The following OSBPL1A variants were observed in gnomAD, a reference collection of about 807,000 sequenced individuals.
OSBPL1A encodes the protein oxysterol-binding protein-related protein 1.
Under a neutral mutation model 137.1 loss-of-function variants are expected in OSBPL1A, and 80 were observed. The observed-to-expected ratio is 0.58, with a 90% CI of 0.49 to 0.70. The LOEUF is 0.70. Ranked by LOEUF, OSBPL1A falls within the 30% of genes least tolerant of loss-of-function variation. The probability of loss-of-function intolerance (pLI) is 0.00; values close to 1 mark genes in which losing one functional copy is unlikely to be tolerated. For synonymous variants in OSBPL1A, 365 were observed against 389.7 expected (o/e 0.94, Z 0.75); for missense variants, 970 against 1,129.4 (o/e 0.86, Z 2.02).
chr18:24,197,841 G>A (rs911146041), intron 17 of OSBPL1A, among the ~76,000 whole-genome samples: 2 of 144,328 alleles, frequency 1.4e-5, no homozygotes, highest in Non-Finnish European at 3.0e-5. Flanking sequence ...AGGCTGGAGT[G>A]CAGTGGTGTG....
intron 20 of OSBPL1A, 137 bp from the exon 21 acceptor site, chr18:24,178,332 C>G: frequency 2.2e-6 from 2 of 910,024 alleles, no homozygotes; most frequent in African/African-American, 1.7e-5. Flanking sequence ...CTTGCTCTGT[C>G]GCTCAGGCTG....
chr18:24,194,541 G>A lies in OSBPL1A; in HGVS notation c.1677+1584C>T, dbSNP rs114770137. On this transcript the variant is annotated intron_variant, in intron 18 of 27. Coordinates refer to ENST00000319481, the MANE Select transcript of OSBPL1A (RefSeq NM_080597.4). Reference sequence around the variant, plus strand: ...AATTTTCAGTTCCAAAGAGACAAACGTGTGTTACTGTCATCTGTCTATATA... The same window carrying A: ...AATTTTCAGTTCCAAAGAGACAAACATGTGTTACTGTCATCTGTCTATATA... Among the ~76,000 whole-genome samples the A allele has an allele frequency of 3.4e-3, 524 of 152,148 alleles. 3 individuals carry two copies. Among genetic ancestry groups the A allele is most frequent in the African/African-American group, 0.012 (488 of 41,504 alleles).
At chr18:24,325,095 AAAAG>A (rs111995094) in intron 7 of OSBPL1A, among the ~76,000 whole-genome samples, 13,417 of 151,686 alleles carry the variant, frequency 0.088, 828 homozygotes, top group African/African-American at 0.17. Context: ...CGAAACAAAA[AAAAG>A]AAAGAAAGAA....
chr18:24,394,802 G>A (rs1411365910), intron 1 of OSBPL1A, among the ~76,000 whole-genome samples: 6 of 142,816 alleles, frequency 4.2e-5, no homozygotes, highest in African/African-American at 1.5e-4. Flanking sequence ...CACATGATAC[G>A]AAATTGTACA....
At chr18:24,305,879 A>G (rs1246292551) in intron 13 of OSBPL1A, among the ~76,000 whole-genome samples, 2 of 152,148 alleles carry the variant, frequency 1.3e-5, no homozygotes, top group African/African-American at 4.8e-5. Context: ...GCTGCCATGT[A>G]AGACATGCCT....
intron 15 of OSBPL1A, among the ~76,000 whole-genome samples, chr18:24,263,125 T>G (rs946248416): frequency 6.6e-6 from 1 of 152,212 alleles, no homozygotes; most frequent in Admixed American, 6.5e-5. Flanking sequence ...AATTTTGATA[T>G]TTTATTCTGT....
intron 21 of OSBPL1A, among the ~76,000 whole-genome samples, chr18:24,177,766 C>T (rs1012563737): frequency 6.6e-6 from 1 of 152,182 alleles, no homozygotes; most frequent in Non-Finnish European, 1.5e-5. Context: ...TTAACTCCAT[C>T]GATCTTAAAA....
At chr18:24,343,246 T>G (rs2091298451) in intron 4 of OSBPL1A, among the ~76,000 whole-genome samples, 1 of 151,950 alleles carries the variant, frequency 6.6e-6, no homozygotes, top group Admixed American at 6.6e-5. Flanking sequence ...AATAAAATGC[T>G]TAGGAATAAA....
intron 11 of OSBPL1A, among the ~76,000 whole-genome samples, chr18:24,315,924 T>C (rs1484644577): frequency 1.5e-5 from 2 of 136,728 alleles, no homozygotes; most frequent in Non-Finnish European, 3.0e-5. Context: ...ATTATAATTA[T>C]ATAATAATAA....
chr18:24,249,619 G>A (rs1182499564), intron 15 of OSBPL1A, among the ~76,000 whole-genome samples: 1 of 152,148 alleles, frequency 6.6e-6, no homozygotes, highest in Non-Finnish European at 1.5e-5. Flanking sequence ...ACCAACTGGG[G>A]GACATTACAT....
intron 12 of OSBPL1A, among the ~76,000 whole-genome samples, chr18:24,313,474 A>G (rs960479082): frequency 2.0e-5 from 3 of 151,848 alleles, no homozygotes; most frequent in African/African-American, 7.2e-5. Context: ...CACCATAAGT[A>G]TTGGTCAAGT....
chr18:24,176,649 CAG>C (rs1330564181), intron 21 of OSBPL1A, among the ~76,000 whole-genome samples: 3 of 152,166 alleles, frequency 2.0e-5, no homozygotes, highest in Non-Finnish European at 4.4e-5. Flanking sequence ...AGGCAATTAA[CAG>C]AGTTTCAGGC....
intron 1 of OSBPL1A, among the ~76,000 whole-genome samples, chr18:24,380,910 C>T (rs1203305592): frequency 2.7e-5 from 4 of 149,890 alleles, no homozygotes; most frequent in Admixed American, 1.3e-4. Flanking sequence ...TGAGATTGTG[C>T]CACTTCACTC....
Position 24,333,774 on chromosome 18 carries a change from A to G in OSBPL1A, c.480+471T>C, listed in dbSNP as rs1318614244. Among the ~76,000 whole-genome samples the G allele has an allele frequency of 2.6e-5, 4 of 152,238 alleles. No homozygotes were observed. In the East Asian group the frequency reaches 7.7e-4, roughly 29 times the overall value. Reference sequence around the variant, plus strand: ...GGCAAACCTTTCAGTCTAATGTGGTATAAGTATTCCAAAATACTGTCCCTT... The same window carrying G: ...GGCAAACCTTTCAGTCTAATGTGGTGTAAGTATTCCAAAATACTGTCCCTT... On this transcript the variant is annotated intron_variant, in intron 6 of 27. Transcript: ENST00000319481.
chr18:24,204,192 T>G (rs192660836), intron 17 of OSBPL1A, among the ~76,000 whole-genome samples: 1 of 152,190 alleles, frequency 6.6e-6, no homozygotes, highest in Non-Finnish European at 1.5e-5. Context: ...CCAGAAAGAG[T>G]TGGTGTTAAC....
intron 5 of OSBPL1A, among the ~76,000 whole-genome samples, chr18:24,338,987 C>T (rs1433764194): frequency 6.6e-6 from 1 of 152,126 alleles, no homozygotes; most frequent in African/African-American, 2.4e-5. Context: ...GCTGGGATTA[C>T]AGGTGTGAGC....
At chr18:24,222,086 T>C (rs1484989470) in intron 17 of OSBPL1A, among the ~76,000 whole-genome samples, 3 of 152,206 alleles carry the variant, frequency 2.0e-5, no homozygotes, top group African/African-American at 4.8e-5. Context: ...ACAGCAGGCA[T>C]CTTATTCCTG....
At chr18:24,397,074 A>G (rs1907796494) in intron 1 of OSBPL1A, among the ~76,000 whole-genome samples, 1 of 152,252 alleles carries the variant, frequency 6.6e-6, no homozygotes, top group Non-Finnish European at 1.5e-5. Flanking sequence ...ATACTAAATC[A>G]GAATAACCCT....
intron 2 of OSBPL1A, 26 bp from the exon 3 acceptor site, chr18:24,368,398 T>G: frequency 6.5e-7 from 1 of 1,535,400 alleles, no homozygotes; most frequent in Non-Finnish European, 9.0e-7. Context: ...TATAAGGTAT[T>G]TTTAGGTCAT....
Sources: allele counts gnomAD v4.1 joint callset (sites outside exome capture counted in the v4.1 genomes callset), GRCh38; gene constraint gnomAD v4.1.1; transcripts MANE v1.5; gene names NCBI Gene and HGNC (gene_info 2026-07-23, HGNC 2026-07-21).